NMT2: variants seen among roughly 807,000 people sequenced by gnomAD.
The protein encoded by NMT2 is N-myristoyltransferase 2.
A neutral mutation model predicts 65.4 loss-of-function variants in NMT2; 35 were observed. The ratio of observed to expected loss-of-function variants is 0.54; its 90% CI spans 0.41 to 0.71. The LOEUF (loss-of-function observed/expected upper bound fraction) is 0.71, where lower values mean the gene tolerates loss of function less well. Ranked by LOEUF, NMT2 falls within the 30% of genes least tolerant of loss-of-function variation. The pLI is 0.00. For missense variants in NMT2, 489 were observed against 611.3 expected, an observed-to-expected ratio of 0.80 and a Z score of 2.11; for synonymous variants, 226 against 231.8, an observed-to-expected ratio of 0.98 and a Z score of 0.23.
chr10:15,166,657 A>C (rs1833386572), intron 1 of NMT2, among the ~76,000 whole-genome samples: 1 of 152,242 alleles, frequency 6.6e-6, no homozygotes, highest in Non-Finnish European at 1.5e-5. Context: ...GAAGCTATTA[A>C]CATGGTATCT....
chr10:15,140,379 C>T (rs1846704578), intron 2 of NMT2, among the ~76,000 whole-genome samples: 1 of 152,188 alleles, frequency 6.6e-6, no homozygotes, highest in Non-Finnish European at 1.5e-5. Context: ...CTGCCTTGGC[C>T]TCCCAAAGTG....
At chr10:15,156,397 T>C (rs1346240755) in intron 1 of NMT2, among the ~76,000 whole-genome samples, 2 of 152,192 alleles carry the variant, frequency 1.3e-5, no homozygotes, top group Non-Finnish European at 2.9e-5. Flanking sequence ...TCTCCAACTA[T>C]GCAGAACTGT....
chr10:15,120,654 T>C (rs1009669184), intron 8 of NMT2, among the ~76,000 whole-genome samples: 1 of 152,172 alleles, frequency 6.6e-6, no homozygotes, highest in Non-Finnish European at 1.5e-5. Context: ...ACTGAGCAAC[T>C]TGTTTTATTA....
intron 2 of NMT2, among the ~76,000 whole-genome samples, chr10:15,136,677 C>G (rs74125525): frequency 0.034 from 5,172 of 152,258 alleles, 144 homozygotes; most frequent in African/African-American, 0.074. Context: ...GCAATTTCCT[C>G]TGTACTTCAG....
At chr10:15,119,681 A>C (rs531199122) in intron 8 of NMT2, among the ~76,000 whole-genome samples, 168 bp from the exon 9 acceptor site, 1 of 152,320 alleles carries the variant, frequency 6.6e-6, no homozygotes, top group Admixed American at 6.5e-5. Flanking sequence ...CGAATCTGCA[A>C]CTCAACAAGA....
At position 15,108,144 on chromosome 10, in the gene NMT2, C is replaced by T. The variant is rs937313609; in HGVS notation, c.*1051G>A. The T allele has an allele frequency of 3.0e-6, 3 of 984,434 alleles. No individual in the cohort carries two copies. The highest frequency in any genetic ancestry group is 3.6e-6 in the Non-Finnish European group (3 of 829,808). The allele number at this position is 984,434 out of a possible 1,614,324, so 61.0% of individuals were successfully genotyped here. On this transcript the variant is annotated 3_prime_UTR_variant, in exon 12 of 12. Coordinates refer to ENST00000378165, the MANE Select transcript of NMT2 (RefSeq NM_004808.3). Reference sequence around the variant, plus strand: ...GTTGCTGAGAAGAAACTGAACTTTGCACAACAGCAGAAAAGTCTAGTTAGT... The same window carrying T: ...GTTGCTGAGAAGAAACTGAACTTTGTACAACAGCAGAAAAGTCTAGTTAGT...
chr10:15,125,144 A>C (rs535825965), intron 8 of NMT2, among the ~76,000 whole-genome samples: 82 of 152,330 alleles, frequency 5.4e-4, no homozygotes, highest in African/African-American at 1.9e-3. Flanking sequence ...CAGTTTCTTC[A>C]TCTGTAAAAT....
chr10:15,155,110 C>T, intron 1 of NMT2: 1 of 1,457,826 alleles, frequency 6.9e-7, no homozygotes, highest in Non-Finnish European at 9.6e-7. Flanking sequence ...CCACCAGTGC[C>T]ATTATGGCAT....
At chr10:15,156,256 G>C (rs987808047) in intron 1 of NMT2, among the ~76,000 whole-genome samples, 1 of 152,116 alleles carries the variant, frequency 6.6e-6, no homozygotes, top group African/African-American at 2.4e-5. Flanking sequence ...CAGGGAATGA[G>C]TTCTCATGAA....
chr10:15,116,000 C>A (rs1276679933), intron 9 of NMT2, among the ~76,000 whole-genome samples: 2 of 152,168 alleles, frequency 1.3e-5, no homozygotes, highest in East Asian at 1.9e-4. Flanking sequence ...GACTTCCATG[C>A]CCCTCTCATC....
Position 15,133,782 on chromosome 10 carries a change from C to A in NMT2, c.392-419G>T, listed in dbSNP as rs184075020. On this transcript the variant is annotated intron_variant, in intron 3 of 11. Transcript: ENST00000378165. The stretch of plus-strand genomic sequence containing the variant: ...TAAATTTTTTTTGTAGAGACGGAGT[C>A]TCATTATGTTGCCCAAGCTGATCTC... 3.6e-4 allele frequency among the ~76,000 whole-genome samples: 55 copies of A among 152,134 alleles called. 1 individual carries two copies. In the East Asian group the frequency reaches 9.3e-3, roughly 26 times the overall value.
At chr10:15,154,980 G>C in intron 1 of NMT2, 1 of 1,156,268 alleles carries the variant, frequency 8.6e-7, no homozygotes. Flanking sequence ...GTTTGTGTTG[G>C]GTCCAGCATT....
chr10:15,123,405 T>A (rs1411405155), intron 8 of NMT2, among the ~76,000 whole-genome samples: 1 of 151,848 alleles, frequency 6.6e-6, no homozygotes, highest in Non-Finnish European at 1.5e-5. Flanking sequence ...GGCACGTGGC[T>A]GTAGTCCCAG....
At chr10:15,135,446 A>G (rs1328192610) in intron 2 of NMT2, 28 bp from the exon 3 acceptor site, 4 of 1,607,262 alleles carry the variant, frequency 2.5e-6, no homozygotes, top group East Asian at 2.2e-5. Context: ...GACACAGAAT[A>G]TGAGAGAGCG....
rs768473613 is a variant in NMT2, at chr10:15,168,634, G to A, written c.-22C>T. 11 of 1,561,172 alleles carry A rather than the reference G, an allele frequency of 7.0e-6. No homozygotes were observed. Among genetic ancestry groups the A allele is most frequent in the East Asian group, 2.5e-5 (1 of 40,458 alleles). ...CCATCGCGGCGGCGCTGGCTGGGGA[G>A]GCGGTGCTCGGGGCCGGGCCGGAGC... On this transcript the variant is annotated 5_prime_UTR_variant, in exon 1 of 12. Transcript: ENST00000378165.
intron 7 of NMT2, among the ~76,000 whole-genome samples, chr10:15,129,194 C>T (rs1846191937): frequency 6.6e-6 from 1 of 152,202 alleles, no homozygotes; most frequent in African/African-American, 2.4e-5. Flanking sequence ...TAAATTTCTT[C>T]AGTGATTCCA....
At chr10:15,114,777 T>G (rs920216944) in intron 9 of NMT2, among the ~76,000 whole-genome samples, 19 of 152,004 alleles carry the variant, frequency 1.2e-4, no homozygotes, top group African/African-American at 4.3e-4. Context: ...CCAAAGTGGG[T>G]GGATTTTCTG....
chr10:15,136,072 C>T (rs542502366), intron 2 of NMT2, among the ~76,000 whole-genome samples: 1 of 151,832 alleles, frequency 6.6e-6, no homozygotes, highest in Non-Finnish European at 1.5e-5. Flanking sequence ...TACAACAATA[C>T]AAAAATTAGC....
chr10:15,138,754 G>A (rs1350767029), intron 2 of NMT2, among the ~76,000 whole-genome samples: 1 of 152,190 alleles, frequency 6.6e-6, no homozygotes, highest in Non-Finnish European at 1.5e-5. Flanking sequence ...GCTATCTAGA[G>A]TTGGCATAAG....
Sources: allele counts gnomAD v4.1 joint callset (sites outside exome capture counted in the v4.1 genomes callset), GRCh38; gene constraint gnomAD v4.1.1; transcripts MANE v1.5; gene names NCBI Gene and HGNC (gene_info 2026-07-23, HGNC 2026-07-21).